Variants in NEK7 observed in about 807,000 individuals in gnomAD.
The protein encoded by NEK7 is serine/threonine-protein kinase Nek7.
A neutral mutation model predicts 44.6 loss-of-function variants in NEK7; 18 were observed. The observed-to-expected ratio is 0.40, with a 90% CI of 0.28 to 0.60. NEK7 has a LOEUF of 0.60. Among genes scored for constraint, NEK7 ranks in the 20% least tolerant of loss-of-function variants. The probability of loss-of-function intolerance (pLI) is 0.38; values close to 1 mark genes in which losing one functional copy is unlikely to be tolerated. For synonymous variants in NEK7, 130 were observed against 121.1 expected, an observed-to-expected ratio of 1.07 and a Z score of -0.48; for missense variants, 256 against 366.5, an observed-to-expected ratio of 0.70 and a Z score of 2.46.
At chr1:198,280,773 A>G (rs1357194208) in intron 7 of NEK7, among the ~76,000 whole-genome samples, 2 of 148,548 alleles carry the variant, frequency 1.3e-5, no homozygotes, top group African/African-American at 2.4e-5. Flanking sequence ...TGTTTTATAT[A>G]TATAATGTGT....
At chr1:198,295,776 A>G (rs758114367) in intron 8 of NEK7, among the ~76,000 whole-genome samples, 3 of 150,280 alleles carry the variant, frequency 2.0e-5, no homozygotes, top group Non-Finnish European at 3.0e-5. Context: ...GTAAGATCTT[A>G]AAGTGTCCTT....
chr1:198,297,950 C>T (rs1297456945), intron 9 of NEK7, among the ~76,000 whole-genome samples: 1 of 152,170 alleles, frequency 6.6e-6, no homozygotes, highest in East Asian at 1.9e-4. Context: ...TGTTTTGGCT[C>T]TACCCTATGT....
chr1:198,200,428 T>C (rs1018616272), intron 1 of NEK7, among the ~76,000 whole-genome samples: 5 of 152,190 alleles, frequency 3.3e-5, no homozygotes, highest in Admixed American at 6.5e-5. Context: ...CAGAGATGAT[T>C]CAATATTTTT....
rs1228227973 is a variant in NEK7 at position 198,320,514 on chromosome 1, G to A, written c.*992G>A. 2 of 151,918 alleles carry A rather than the reference G, an allele frequency of 1.3e-5. No homozygotes were observed. The highest frequency in any genetic ancestry group is 2.9e-5 in the Non-Finnish European group (2 of 67,948). The allele number at this position is 151,918 out of a possible 1,614,324, so 9.4% of individuals were successfully genotyped here. On this transcript the variant is annotated 3_prime_UTR_variant, in exon 10 of 10. Transcript: ENST00000367385. The stretch of plus-strand genomic sequence containing the variant: ...TTCAAGTTACTTTCTTATTTATATT[G>A]TATGTGCATTTTATCCATTAATGTT...
chr1:198,252,972 G>T, intron 2 of NEK7, 68 bp from the exon 3 acceptor site: 1 of 1,294,650 alleles, frequency 7.7e-7, no homozygotes, highest in Non-Finnish European at 1.1e-6. Context: ...ATATGAAAAT[G>T]ATCAGTGATT....
chr1:198,227,767 A>G lies in NEK7; in HGVS notation c.-28-4786A>G, dbSNP rs533274713. ...GAGTTTATTGTAGATTCTGGATATT[A>G]GCCCTTTGTCAGATGAATATATTGC... On this transcript the variant is annotated intron_variant, in intron 1 of 9. Transcript: ENST00000367385. Among the ~76,000 whole-genome samples the G allele has an allele frequency of 2.6e-4, 40 of 152,288 alleles. 2 individuals carry two copies. The South Asian group carries it at 7.2e-3, about 28-fold the overall frequency.
intron 2 of NEK7, among the ~76,000 whole-genome samples, chr1:198,245,013 T>C (rs1268053648): frequency 2.6e-5 from 4 of 152,200 alleles, no homozygotes; most frequent in African/African-American, 9.6e-5. Context: ...TAACAGAAAG[T>C]CAATTAACAC....
chr1:198,201,393 G>A (rs1048837308), intron 1 of NEK7, among the ~76,000 whole-genome samples: 2 of 152,094 alleles, frequency 1.3e-5, no homozygotes, highest in East Asian at 1.9e-4. Context: ...GTTATGTACT[G>A]TGCCTGTTTT....
At chr1:198,283,452 A>C (rs1176398806) in intron 7 of NEK7, among the ~76,000 whole-genome samples, 2 of 152,010 alleles carry the variant, frequency 1.3e-5, no homozygotes, top group East Asian at 3.9e-4. Flanking sequence ...GTGGTCTGTG[A>C]TCTAAACGGT....
At chr1:198,183,829 CGA>C (rs1460340053) in intron 1 of NEK7, among the ~76,000 whole-genome samples, 2 of 152,124 alleles carry the variant, frequency 1.3e-5, no homozygotes, top group Non-Finnish European at 2.9e-5. Context: ...GCATGTGACT[CGA>C]GACGTTTTTA....
intron 7 of NEK7, among the ~76,000 whole-genome samples, chr1:198,287,790 C>T (rs1016034441): frequency 4.0e-5 from 6 of 151,062 alleles, no homozygotes; most frequent in African/African-American, 1.5e-4. Context: ...ATATTTGAAA[C>T]CTCTTGGGAG....
At chr1:198,248,019 G>T (rs1666884392) in intron 2 of NEK7, among the ~76,000 whole-genome samples, 1 of 152,018 alleles carries the variant, frequency 6.6e-6, no homozygotes, top group Non-Finnish European at 1.5e-5. Context: ...TTCATTAGAG[G>T]GTGCACTAGC....
Position 198,209,064 on chromosome 1 carries a change from C to T in NEK7, c.-28-23489C>T, listed in dbSNP as rs56376869. Among the ~76,000 whole-genome samples, 192 of 148,952 alleles carry T rather than the reference C, an allele frequency of 1.3e-3. 1 individual carries two copies. Among genetic ancestry groups the T allele is most frequent in the Non-Finnish European group, 2.3e-3 (157 of 67,526 alleles). The stretch of plus-strand genomic sequence containing the variant: ...ATATATATATATATATATATACACA[C>T]ACACATACGCACATATGTATATATA... On this transcript the variant is annotated intron_variant, in intron 1 of 9. Transcript: ENST00000367385.
intron 1 of NEK7, among the ~76,000 whole-genome samples, chr1:198,163,446 C>T (rs532486573): frequency 1.1e-4 from 16 of 151,570 alleles, no homozygotes; most frequent in East Asian, 5.8e-4. Flanking sequence ...TCTAGGATTT[C>T]GAGGCTGCAG....
At chr1:198,228,187 G>A (rs191667148) in intron 1 of NEK7, among the ~76,000 whole-genome samples, 19 of 152,252 alleles carry the variant, frequency 1.2e-4, no homozygotes, top group African/African-American at 4.3e-4. Flanking sequence ...TAGATATGCA[G>A]CATTATTTCT....
At chr1:198,192,431 G>C (rs1319851374) in intron 1 of NEK7, among the ~76,000 whole-genome samples, 1 of 151,658 alleles carries the variant, frequency 6.6e-6, no homozygotes, top group Non-Finnish European at 1.5e-5. Context: ...TTGGTGTGAT[G>C]TGGAAATTGA....
intron 1 of NEK7, among the ~76,000 whole-genome samples, chr1:198,207,961 A>G (rs527271070): frequency 8.5e-5 from 13 of 152,184 alleles, no homozygotes; most frequent in South Asian, 2.1e-4. Context: ...GAACACTTCA[A>G]CTTCATTTAT....
intron 1 of NEK7, among the ~76,000 whole-genome samples, chr1:198,201,302 C>A (rs985849383): frequency 2.0e-5 from 3 of 152,024 alleles, no homozygotes; most frequent in Non-Finnish European, 4.4e-5. Context: ...GGTCTGTATT[C>A]TATGCTGTCT....
intron 2 of NEK7, among the ~76,000 whole-genome samples, chr1:198,236,381 C>T (rs1453825185): frequency 2.3e-5 from 3 of 130,638 alleles, no homozygotes; most frequent in Admixed American, 7.7e-5. Flanking sequence ...ATTGATGGTA[C>T]AGAAAGAGCA....
Sources: allele counts gnomAD v4.1 joint callset (sites outside exome capture counted in the v4.1 genomes callset), GRCh38; gene constraint gnomAD v4.1.1; transcripts MANE v1.5; gene names NCBI Gene and HGNC (gene_info 2026-07-23, HGNC 2026-07-21).